The following CD8B variants were observed in gnomAD, a reference collection of about 807,000 sequenced individuals.
The protein encoded by CD8B is CD8 subunit beta, also known as T-cell surface glycoprotein CD8 beta chain.
A neutral mutation model predicts 24.2 loss-of-function variants in CD8B; 6 were observed. That is an observed-to-expected ratio of 0.25 (90% CI 0.14 to 0.49). CD8B has a LOEUF of 0.49. Among genes scored for constraint, CD8B ranks in the 20% least tolerant of loss-of-function variants. The probability of loss-of-function intolerance (pLI) is 0.98; values close to 1 mark genes in which losing one functional copy is unlikely to be tolerated. For missense variants in CD8B, 196 were observed against 271.3 expected (o/e 0.72, Z 1.95); for synonymous variants, 84 against 108.3 (o/e 0.78, Z 1.39).
At chr2:86,856,873 CT>C (rs1676294384) in intron 2 of CD8B, among the ~76,000 whole-genome samples, 1 of 150,632 alleles carries the variant, frequency 6.6e-6, no homozygotes, top group Non-Finnish European at 1.5e-5. Context: ...TTCAGCAATA[CT>C]TTTTATATTG....
At chr2:86,844,650 A>AT (rs758587941) in intron 5 of CD8B, 27,931 of 1,145,900 alleles carry the variant, frequency 0.024, no homozygotes, top group East Asian at 0.026. Flanking sequence ...ACAGTCTGTA[A>AT]TTTTTTTTTT....
chr2:86,834,839 G>A (rs1338434090), downstream of CD8B, among the ~76,000 whole-genome samples: 1 of 151,314 alleles, frequency 6.6e-6, no homozygotes, highest in Non-Finnish European at 1.5e-5. Context: ...GGGAGGCTGA[G>A]GCAGGAGAAT....
downstream of CD8B, among the ~76,000 whole-genome samples, chr2:86,835,891 A>G (rs774501794): frequency 6.0e-4 from 90 of 151,256 alleles, no homozygotes; most frequent in Non-Finnish European, 6.5e-4. Context: ...GAGGCCACTC[A>G]CTCTTGGAGC....
intron 3 of CD8B, among the ~76,000 whole-genome samples, chr2:86,849,611 C>T (rs371431502): frequency 1.3e-5 from 2 of 152,018 alleles, no homozygotes; most frequent in African/African-American, 2.4e-5. Context: ...CGGTAACGGT[C>T]GCCCAACTTG....
chr2:86,860,844 C>T (rs553349142), intron 1 of CD8B, among the ~76,000 whole-genome samples: 97 of 152,302 alleles, frequency 6.4e-4, no homozygotes, highest in African/African-American at 2.3e-3. Context: ...CCCGGCTCTT[C>T]CCGGGGCCCA....
At chr2:86,852,116 C>T (rs1402645331) in intron 3 of CD8B, among the ~76,000 whole-genome samples, 2 of 152,134 alleles carry the variant, frequency 1.3e-5, no homozygotes, top group Non-Finnish European at 2.9e-5. Context: ...AGGCATGTGC[C>T]ACCACGCCCA....
chr2:86,854,325 G>T (rs1573524713), intron 2 of CD8B, among the ~76,000 whole-genome samples: 2 of 152,176 alleles, frequency 1.3e-5, no homozygotes, highest in African/African-American at 2.4e-5. Context: ...GAAGGAGGGG[G>T]TGCCCTTTTC....
chr2:86,822,977 T>C (rs974168771), intron 5 of CD8B, among the ~76,000 whole-genome samples: 3 of 152,240 alleles, frequency 2.0e-5, no homozygotes, highest in Admixed American at 2.0e-4. Context: ...AATGTATGCA[T>C]AACATAAATT....
At chr2:86,835,978 AGCCAAATCTTTAGTGTCTGAAACACAT>A, downstream of CD8B, among the ~76,000 whole-genome samples, 1 of 151,854 alleles carries the variant, frequency 6.6e-6, no homozygotes, top group East Asian at 1.9e-4. Flanking sequence ...ACATCTTCTG[AGCCAAATCTTTAGTGTCTGAAACACAT>A]GCCTGATTGA....
At chr2:86,844,180 A>C (rs1224865338) in intron 5 of CD8B, among the ~76,000 whole-genome samples, 1 of 151,882 alleles carries the variant, frequency 6.6e-6, no homozygotes, top group East Asian at 1.9e-4. Flanking sequence ...GGTGGTGACT[A>C]AATGGCCACC....
At chr2:86,830,120 G>A (rs1232108894) in intron 5 of CD8B, among the ~76,000 whole-genome samples, 2 of 152,212 alleles carry the variant, frequency 1.3e-5, no homozygotes, top group South Asian at 2.1e-4. Flanking sequence ...CTGGAGTGCA[G>A]TGGTACGATC....
At chr2:86,857,360 T>C (rs1276594676) in intron 2 of CD8B, among the ~76,000 whole-genome samples, 3 of 152,174 alleles carry the variant, frequency 2.0e-5, no homozygotes. Flanking sequence ...CTCAGCCCAA[T>C]CCAGCCGTAG....
At chr2:86,854,859 G>A (rs943176519) in intron 2 of CD8B, among the ~76,000 whole-genome samples, 1 of 151,796 alleles carries the variant, frequency 6.6e-6, no homozygotes, top group African/African-American at 2.4e-5. Flanking sequence ...GGTGACTCAC[G>A]CCTGTAATCC....
At chr2:86,855,816 C>T (rs1407793819) in intron 2 of CD8B, among the ~76,000 whole-genome samples, 2 of 152,204 alleles carry the variant, frequency 1.3e-5, no homozygotes, top group African/African-American at 4.8e-5. Flanking sequence ...GGGGAGCCAA[C>T]TCTTTGGGCC....
chr2:86,858,500 A>G, intron 1 of CD8B, 84 bp from the exon 2 acceptor site: 1 of 1,486,384 alleles, frequency 6.7e-7, no homozygotes, highest in Non-Finnish European at 8.9e-7. Context: ...TCAAGTGTCA[A>G]AGGAAAAGCC....
chr2:86,846,141 C>T (rs1182667027), intron 4 of CD8B, among the ~76,000 whole-genome samples: 8 of 152,218 alleles, frequency 5.3e-5, no homozygotes, highest in Non-Finnish European at 1.2e-4. Context: ...GGGTGGGGGC[C>T]ATAGAAGGAG....
intron 5 of CD8B, among the ~76,000 whole-genome samples, chr2:86,823,118 C>T (rs1315394593): frequency 6.6e-6 from 1 of 152,136 alleles, no homozygotes; most frequent in Non-Finnish European, 1.5e-5. Context: ...ACCCACTAAG[C>T]ACCAACTCCC....
At chr2:86,860,997 T>C (rs1676553475) in intron 1 of CD8B, among the ~76,000 whole-genome samples, 1 of 152,186 alleles carries the variant, frequency 6.6e-6, no homozygotes, top group Non-Finnish European at 1.5e-5. Flanking sequence ...TGTTTCTAGA[T>C]CCATCAGTAA....
chr2:86,852,709 T>C (rs927161632), intron 3 of CD8B, among the ~76,000 whole-genome samples: 4 of 152,250 alleles, frequency 2.6e-5, no homozygotes, highest in African/African-American at 9.6e-5. Flanking sequence ...GTTTGGGTAG[T>C]TTCTGCTTTT....
Sources: allele counts gnomAD v4.1 joint callset (sites outside exome capture counted in the v4.1 genomes callset), GRCh38; gene constraint gnomAD v4.1.1; transcripts MANE v1.5; gene names NCBI Gene and HGNC (gene_info 2026-07-23, HGNC 2026-07-21).